Variants in COPE observed in about 807,000 individuals in gnomAD.
COPE encodes coatomer subunit epsilon.
COPE carries 19 observed loss-of-function variants against 42.1 expected under a neutral mutation model. That is an observed-to-expected ratio of 0.45 (90% CI 0.31 to 0.66). COPE has a LOEUF of 0.66. Among genes scored for constraint, COPE ranks in the 30% least tolerant of loss-of-function variants. The pLI is 0.05. For missense variants in COPE, 402 were observed against 416.1 expected (o/e 0.97, Z 0.30); for synonymous variants, 195 against 181.3 (o/e 1.08, Z -0.60).
chr19:18,912,835 C>G (rs555094232), intron 2 of COPE, 149 bp downstream of exon 2: 2 of 683,638 alleles, frequency 2.9e-6, no homozygotes, highest in African/African-American at 3.5e-5. Flanking sequence ...ATGCTGGCTG[C>G]GCTGGCTGTT....
intron 3 of COPE, among the ~76,000 whole-genome samples, chr19:18,909,103 A>G (rs1292939532): frequency 6.6e-6 from 1 of 152,264 alleles, no homozygotes; most frequent in Non-Finnish European, 1.5e-5. Flanking sequence ...ACGGACCACA[A>G]GCCCCTGCCT....
At position 18,902,767 on chromosome 19, in the gene COPE, GGGAAAGAA is replaced by G. The variant is rs1430971799; in HGVS notation, c.735+493_735+500del. On this transcript the variant is annotated intron_variant, in intron 7 of 9. Coordinates refer to ENST00000262812, the MANE Select transcript of COPE (RefSeq NM_007263.4). Reference sequence around the variant, plus strand: ...GGAAGGAAAGGAAGGAAGGAAGGAAGGGAAAGAAGGAAGGAAGGAAGGAAGGAAGGAAG... The same window carrying G: ...GGAAGGAAAGGAAGGAAGGAAGGAAGGGAAGGAAGGAAGGAAGGAAGGAAG... Among the ~76,000 whole-genome samples, 3 of 29,074 alleles carry G rather than the reference GGGAAAGAA, an allele frequency of 1.0e-4. 1 individual carries two copies. Among genetic ancestry groups the G allele is most frequent in the East Asian group, 7.0e-4 (2 of 2,844 alleles). The allele number at this position is 29,074 out of a possible 152,430, so 19.1% of individuals were successfully genotyped here. A position where few individuals can be genotyped will look rare whatever the true frequency, so the allele number is the denominator to read the frequency against.
At chr19:18,906,861 G>T in intron 4 of COPE, 99 bp downstream of exon 4, 2 of 1,356,890 alleles carry the variant, frequency 1.5e-6, no homozygotes, top group Non-Finnish European at 2.0e-6. Context: ...ACCTTTCTCT[G>T]CTCCCATGAC....
At chr19:18,913,263 C>T (rs888129631) in intron 1 of COPE, among the ~76,000 whole-genome samples, 2 of 152,214 alleles carry the variant, frequency 1.3e-5, no homozygotes, top group African/African-American at 4.8e-5. Flanking sequence ...GCTGACACCA[C>T]CCCAGGAAGG....
Position 18,910,971 on chromosome 19 carries a change from C to T in COPE, c.290G>A (p.Arg97Lys). 1 of 1,613,682 alleles carries T rather than the reference C, an allele frequency of 6.2e-7. No homozygotes were observed. Among genetic ancestry groups the T allele is most frequent in the Non-Finnish European group, 8.5e-7 (1 of 1,179,974 alleles). The change falls in exon 3 of 10, where the codon AGG (arginine) becomes AAG (lysine). Residue 97 changes from arginine to lysine, a missense_variant and splice_region_variant. Physicochemically the swap from Arg to Lys is conservative, Grantham distance 26. Transcript: ENST00000262812. Reference sequence around the variant, plus strand: ...GCCAACCCATTCTCTGGGGCCTCACCTCCGACTCTCGTGGGCGAGGTAGTC... The same window carrying T: ...GCCAACCCATTCTCTGGGGCCTCACTTCCGACTCTCGTGGGCGAGGTAGTC... Reference protein sequence around the residue: ...FADYLAHESRRDSIVAELDRE... With the variant: ...FADYLAHESRKDSIVAELDRE...
At chr19:18,907,849 G>A (rs1288736472) in intron 3 of COPE, among the ~76,000 whole-genome samples, 1 of 152,218 alleles carries the variant, frequency 6.6e-6, no homozygotes, top group Admixed American at 6.5e-5. Context: ...TCTGGGGGCT[G>A]TCTGCCCAGG....
intron 4 of COPE, among the ~76,000 whole-genome samples, chr19:18,906,416 AT>A (rs1425596857): frequency 6.6e-6 from 1 of 152,262 alleles, no homozygotes; most frequent in Non-Finnish European, 1.5e-5. Context: ...CACAGCGACC[AT>A]GAAATGCCCA....
chr19:18,900,958 C>T (rs928007680), intron 7 of COPE, among the ~76,000 whole-genome samples: 1 of 152,224 alleles, frequency 6.6e-6, no homozygotes, highest in African/African-American at 2.4e-5. Flanking sequence ...AGCACAGACA[C>T]ACCAACGAGG....
At chr19:18,910,383 C>T (rs980672191) in intron 3 of COPE, among the ~76,000 whole-genome samples, 1 of 152,166 alleles carries the variant, frequency 6.6e-6, no homozygotes, top group Admixed American at 6.5e-5. Context: ...CTCAGGAGTT[C>T]GAGACCACCC....
In COPE at chr19:18,899,622, A is replaced by C. The variant is rs1601203294; in HGVS notation, c.*57T>G. On this transcript the variant is annotated 3_prime_UTR_variant, in exon 10 of 10. Transcript: ENST00000262812. ...GTGGATGCCGGGTGGGGAGGGCTGC[A>C]GGGCTGGCTCCTGGCCTCTGTCCTG... The C allele has an allele frequency of 1.6e-5, 25 of 1,600,918 alleles. No individual in the cohort carries two copies. The East Asian group carries it at 5.4e-4, about 34-fold the overall frequency.
chr19:18,912,216 G>C (rs572683161), intron 2 of COPE, among the ~76,000 whole-genome samples: 2 of 151,528 alleles, frequency 1.3e-5, no homozygotes, highest in Non-Finnish European at 2.9e-5. Context: ...GCGTGATCAC[G>C]GCTCACTGTA....
At chr19:18,903,204 T>C (rs937568316) in intron 7 of COPE, 64 bp downstream of exon 7, 5 of 1,475,800 alleles carry the variant, frequency 3.4e-6, no homozygotes, top group Non-Finnish European at 4.5e-6. Context: ...CTGTCCGCCC[T>C]GACCCCACCC....
At chr19:18,918,061 G>A (rs1379838799) in intron 1 of COPE, among the ~76,000 whole-genome samples, 3 of 151,310 alleles carry the variant, frequency 2.0e-5, no homozygotes, top group Non-Finnish European at 4.4e-5. Context: ...ATGGTGGCGC[G>A]CGCCTGTAAT....
At chr19:18,903,076 C>T (rs978428711) in intron 7 of COPE, among the ~76,000 whole-genome samples, 192 bp downstream of exon 7, 6 of 152,076 alleles carry the variant, frequency 3.9e-5, no homozygotes, top group African/African-American at 1.2e-4. Flanking sequence ...TTCTGTGAGG[C>T]CGGAATCTGG....
chr19:18,918,515 T>C (rs1398089646), intron 1 of COPE, among the ~76,000 whole-genome samples: 1 of 152,134 alleles, frequency 6.6e-6, no homozygotes, highest in Admixed American at 6.6e-5. Context: ...CTCGGTTCAC[T>C]GCAACCTCGG....
chr19:18,908,816 C>T (rs1188755858), intron 3 of COPE, among the ~76,000 whole-genome samples: 1 of 151,750 alleles, frequency 6.6e-6, no homozygotes, highest in Non-Finnish European at 1.5e-5. Context: ...TGCGCCCGGC[C>T]AGGCAAAACC....
Position 18,919,286 on chromosome 19 carries a change from G to T in COPE, c.63C>A (p.Asp21Glu). The T allele has an allele frequency of 6.2e-7, 1 of 1,613,994 alleles. No homozygotes were observed. The highest frequency in any genetic ancestry group is 8.5e-7 in the Non-Finnish European group (1 of 1,180,022). Residue 21 changes from aspartate (D) to glutamate (E), a missense_variant, in exon 1 of 10, where the codon GAC becomes GAA. Physicochemically the swap from Asp to Glu is conservative, Grantham distance 45 (BLOSUM62 2). Transcript: ENST00000262812. ...GGSGEVDELF[D>E]VKNAFYIGSY... Reference sequence around the variant, plus strand: ...TGCCGATGTAGAAGGCGTTCTTTACGTCGAACAGCTCGTCTACCTCCCCGG... The same window carrying T: ...TGCCGATGTAGAAGGCGTTCTTTACTTCGAACAGCTCGTCTACCTCCCCGG...
chr19:18,900,084 T>G, intron 8 of COPE, 137 bp from the exon 9 acceptor site: 1 of 693,512 alleles, frequency 1.4e-6, no homozygotes, highest in Non-Finnish European at 2.4e-6. Context: ...ACTGGGCTGA[T>G]CTCGGAGAAC....
At chr19:18,903,513 A>G in intron 6 of COPE, 90 bp from the exon 7 acceptor site, 1 of 1,434,206 alleles carries the variant, frequency 7.0e-7, no homozygotes, top group Non-Finnish European at 9.3e-7. Context: ...GGACTCCAGC[A>G]CTGCACAGAG....
Sources: gnomAD v4.1 joint callset for allele counts (sites outside exome capture counted in the v4.1 genomes callset) on GRCh38, gnomAD v4.1.1 for gene constraint, MANE v1.5 for transcripts, NCBI Gene and HGNC (gene_info 2026-07-23, HGNC 2026-07-21) for gene names.